The following CALM2 variants were observed in gnomAD, a reference collection of about 807,000 sequenced individuals.
CALM2 encodes calmodulin 2, also known as calmodulin-2.
A neutral mutation model predicts 19.8 loss-of-function variants in CALM2; 2 were observed. The ratio of observed to expected loss-of-function variants is 0.10; its 90% CI spans 0.04 to 0.32. The LOEUF is 0.32. Among genes scored for constraint, CALM2 ranks in the 10% least tolerant of loss-of-function variants. The pLI is 1.00. For synonymous variants in CALM2, 51 were observed against 52.1 expected, an observed-to-expected ratio of 0.98 and a Z score of 0.09; for missense variants, 38 against 178.7, an observed-to-expected ratio of 0.21 and a Z score of 4.49.
At chr2:47,162,883 G>A (rs988514565) in intron 2 of CALM2, 9 of 458,986 alleles carry the variant, frequency 2.0e-5, no homozygotes, top group Non-Finnish European at 3.5e-5. Flanking sequence ...ATGTGACTTT[G>A]ACTCCTAAAG....
At position 47,162,798 on chromosome 2, in the gene CALM2, A is replaced by C. The variant is rs149496922; in HGVS notation, c.35-136T>G. The C allele has an allele frequency of 3.5e-3, 2,352 of 669,666 alleles. 14 individuals are homozygous for C. The highest frequency in any genetic ancestry group is 4.4e-3 in the South Asian group (183 of 41,528). The allele number at this position is 669,666 out of a possible 1,614,324, so 41.5% of individuals were successfully genotyped here. A position where few individuals can be genotyped will look rare whatever the true frequency, so the allele number is the denominator to read the frequency against. On this transcript the variant is annotated intron_variant, in intron 2 of 5. Transcript: ENST00000272298. Reference sequence around the variant, plus strand: ...ACAGCCACTGCACTTCAGCCTGGCCAAACTGTAAGACCCCACGTCTCAGAA... The same window carrying C: ...ACAGCCACTGCACTTCAGCCTGGCCCAACTGTAAGACCCCACGTCTCAGAA...
chr2:47,176,420 G>C, intron 1 of CALM2, 21 bp downstream of exon 1: 2 of 1,612,542 alleles, frequency 1.2e-6, no homozygotes, highest in Non-Finnish European at 1.7e-6. Context: ...CCCAGCGCCG[G>C]CAGCTCAGCG....
chr2:47,176,371 T>C, intron 1 of CALM2, 70 bp downstream of exon 1: 4 of 1,585,386 alleles, frequency 2.5e-6, no homozygotes, highest in Non-Finnish European at 3.4e-6. Context: ...CGAGTTTCCT[T>C]TGTTTAGTCA....
At chr2:47,171,792 T>C (rs967422642) in intron 1 of CALM2, 4 of 152,148 alleles carry the variant, frequency 2.6e-5, no homozygotes, top group East Asian at 1.9e-4. Context: ...CATTTATTTA[T>C]AGGTAAAAGA....
At chr2:47,175,819 G>GC (rs1252221145) in intron 1 of CALM2, among the ~76,000 whole-genome samples, 1 of 147,974 alleles carries the variant, frequency 6.8e-6, no homozygotes. Flanking sequence ...GCGCTCGCCC[G>GC]CCCCGCCCCC....
intron 1 of CALM2, 110 bp downstream of exon 1, chr2:47,176,331 A>G: frequency 7.3e-7 from 1 of 1,366,972 alleles, no homozygotes; most frequent in Non-Finnish European, 1.0e-6. Context: ...TCCCTCTGGC[A>G]GAAACCACTC....
At chr2:47,163,669 T>G (rs1296399264) in intron 2 of CALM2, 1 of 152,208 alleles carries the variant, frequency 6.6e-6, no homozygotes, top group African/African-American at 2.4e-5. Context: ...CAACCTCAGG[T>G]GATCCGCCTG....
intron 1 of CALM2, among the ~76,000 whole-genome samples, chr2:47,174,942 C>G (rs1050801367): frequency 8.5e-5 from 13 of 152,258 alleles, no homozygotes; most frequent in African/African-American, 2.6e-4. Context: ...CACACCCATA[C>G]AGGCTGGAGG....
chr2:47,175,713 G>A (rs1194937342), intron 1 of CALM2, among the ~76,000 whole-genome samples: 1 of 145,720 alleles, frequency 6.9e-6, no homozygotes, highest in African/African-American at 2.5e-5. Flanking sequence ...CAATGGCCCC[G>A]CAGCGCCAAG....
chr2:47,160,858 A>T, intron 5 of CALM2, 54 bp from the exon 6 acceptor site: 2 of 862,696 alleles, frequency 2.3e-6, no homozygotes, highest in Non-Finnish European at 3.5e-6. Flanking sequence ...ACCAAAAAAA[A>T]AAAAAAAAAA....
chr2:47,165,553 C>T (rs1189565947), intron 2 of CALM2, among the ~76,000 whole-genome samples: 1 of 152,148 alleles, frequency 6.6e-6, no homozygotes. Context: ...TTTTTCTTGG[C>T]CTTCGTAACA....
intron 1 of CALM2, chr2:47,172,275 C>T (rs944834872): frequency 1.3e-4 from 42 of 326,938 alleles, no homozygotes; most frequent in African/African-American, 8.5e-4. Flanking sequence ...ACCTGGCATG[C>T]GTGGCGTGGG....
intron 2 of CALM2, chr2:47,163,205 A>G (rs1328421090): frequency 6.6e-6 from 1 of 152,608 alleles, no homozygotes; most frequent in Non-Finnish European, 1.5e-5. Flanking sequence ...TCAATCACCT[A>G]CTAAATTAAA....
intron 1 of CALM2, chr2:47,173,059 T>C (rs1458947318): frequency 6.6e-6 from 1 of 152,202 alleles, no homozygotes; most frequent in Non-Finnish European, 1.5e-5. Context: ...ATTACTCACA[T>C]AACCTGAAAG....
intron 1 of CALM2, chr2:47,172,555 G>A (rs1306340451): frequency 4.2e-6 from 4 of 947,580 alleles, no homozygotes; most frequent in Non-Finnish European, 5.7e-6. Context: ...CACACCGAAT[G>A]TAGACATGCA....
chr2:47,163,861 T>TA (rs1281043215), intron 2 of CALM2: 5 of 152,608 alleles, frequency 3.3e-5, no homozygotes, highest in South Asian at 2.1e-4. Context: ...CTCACACCTG[T>TA]AATCCTAGCA....
intron 2 of CALM2, chr2:47,163,478 G>A (rs973661187): frequency 6.6e-6 from 1 of 151,684 alleles, no homozygotes; most frequent in Non-Finnish European, 1.5e-5. Context: ...TGTTGTCCAG[G>A]CTGGAGTGCA....
chr2:47,171,986 A>C (rs1050547837), intron 1 of CALM2: 11 of 23,932 alleles, frequency 4.6e-4, no homozygotes, highest in Non-Finnish European at 1.4e-3. Context: ...ATTCATTAAA[A>C]AAAAAAAAAA....
Position 47,175,081 on chromosome 2 carries a change from G to GTTTTTTTTTTTT in CALM2, c.3+1348_3+1359dup, listed in dbSNP as rs563702873. Among the ~76,000 whole-genome samples the GTTTTTTTTTTTT allele has an allele frequency of 8.9e-3, 697 of 77,906 alleles. 88 individuals are homozygous for GTTTTTTTTTTTT. The highest frequency in any genetic ancestry group is 0.058 in the African/African-American group (629 of 10,866). 51.1% of individuals were successfully genotyped at this position (77,906 alleles called of 152,430 possible). On this transcript the variant is annotated intron_variant, in intron 1 of 5. Transcript: ENST00000272298. The stretch of plus-strand genomic sequence containing the variant: ...TCACAGATCACCGCCCTCATTAGGT[G>GTTTTTTTTTTTT]TTTTTTTTTTTTTTTTTCAGGAAAG...
Sources: allele counts gnomAD v4.1 joint callset (sites outside exome capture counted in the v4.1 genomes callset), GRCh38; gene constraint gnomAD v4.1.1; transcripts MANE v1.5; gene names NCBI Gene and HGNC (gene_info 2026-07-23, HGNC 2026-07-21).